Variants in CEACAM1 observed in about 807,000 individuals in gnomAD.
CEACAM1 encodes CEA cell adhesion molecule 1, also known as cell adhesion molecule CEACAM1.
In CEACAM1, 31 loss-of-function variants were observed where a neutral mutation model predicts 49.1. The ratio of observed to expected loss-of-function variants is 0.63; its 90% CI spans 0.47 to 0.85. CEACAM1 has a LOEUF of 0.85. CEACAM1 is among the 40% of genes least tolerant of loss of function. CEACAM1 has a pLI of 0.00. For missense variants in CEACAM1, 570 were observed against 645.3 expected, an observed-to-expected ratio of 0.88 and a Z score of 1.26; for synonymous variants, 244 against 247.8, an observed-to-expected ratio of 0.98 and a Z score of 0.14.
chr19:42,507,585 G>T lies in CEACAM1; in HGVS notation c.*1524C>A, dbSNP rs1466063130. The T allele has an allele frequency of 6.6e-6, 1 of 152,196 alleles. No individual in the cohort carries two copies. Among genetic ancestry groups the T allele is most frequent in the Non-Finnish European group, 1.5e-5 (1 of 68,032 alleles). 9.4% of individuals were successfully genotyped at this position (152,196 alleles called of 1,614,324 possible). ...TTAGCCCCAAAGAGATTCCATCTGT[G>T]TAGAAGACTGGGTGAGAAGTACATT... On this transcript the variant is annotated 3_prime_UTR_variant, in exon 9 of 9. Coordinates refer to ENST00000161559, the MANE Select transcript of CEACAM1 (RefSeq NM_001712.5).
At chr19:42,518,550 T>C (rs1481888356) in intron 5 of CEACAM1, 1 of 200,882 alleles carries the variant, frequency 5.0e-6, no homozygotes, top group Non-Finnish European at 9.9e-6. Context: ...TAGACTGGAG[T>C]GCAGTGGCAC....
chr19:42,527,507 G>GTGTGTGTGTT (rs1491503937), intron 1 of CEACAM1, 107 bp from the exon 2 acceptor site: 19 of 227,242 alleles, frequency 8.4e-5, no homozygotes, highest in Non-Finnish European at 1.1e-4. Flanking sequence ...ACCTTGGAGT[G>GTGTGTGTGTT]TGTGTGTGTG....
At chr19:42,516,812 T>G (rs2041610298) in intron 5 of CEACAM1, 1 of 377,150 alleles carries the variant, frequency 2.7e-6, no homozygotes, top group African/African-American at 2.2e-5. Flanking sequence ...GCGGGTGGAT[T>G]GCTTGAGCTC....
At chr19:42,523,844 A>C (rs1161326428) in intron 2 of CEACAM1, among the ~76,000 whole-genome samples, 1 of 152,228 alleles carries the variant, frequency 6.6e-6, no homozygotes, top group Non-Finnish European at 1.5e-5. Flanking sequence ...TGATCAAAGA[A>C]AGATGCTGAA....
At position 42,527,236 on chromosome 19, in the gene CEACAM1, G is replaced by T. The variant is rs1199767046; in HGVS notation, c.229C>A (p.Arg77Ser). ...WYKGERVDGN[R>S]QIVGYAIGTQ... is the part of the protein sequence containing the mutation. The stretch of plus-strand genomic sequence containing the variant: ...CCTATTGCATATCCTACAATTTGAC[G>T]GTTGCCATCCACTCTTTCCCCTTTG... The change falls in exon 2 of 9, where the codon CGT becomes AGT. Residue 77 changes from arginine to serine, a missense_variant. Arg to Ser is a moderately radical substitution (Grantham distance 110). Transcript: ENST00000161559. The T allele has an allele frequency of 1.9e-6, 3 of 1,613,940 alleles. No individual in the cohort carries two copies. The highest frequency in any genetic ancestry group is 2.5e-6 in the Non-Finnish European group (3 of 1,179,954).
chr19:42,526,208 G>A (rs1429838904), intron 2 of CEACAM1, among the ~76,000 whole-genome samples: 4 of 152,002 alleles, frequency 2.6e-5, no homozygotes, highest in African/African-American at 7.2e-5. Context: ...CATCCACCTC[G>A]GCCTCCCAAA....
At chr19:42,526,320 G>T (rs1025876919) in intron 2 of CEACAM1, among the ~76,000 whole-genome samples, 1 of 152,194 alleles carries the variant, frequency 6.6e-6, no homozygotes, top group Non-Finnish European at 1.5e-5. Flanking sequence ...TGGACAAGGA[G>T]CTTTCAGGAG....
At chr19:42,519,990 A>C (rs2041703162) in intron 4 of CEACAM1, among the ~76,000 whole-genome samples, 1 of 152,170 alleles carries the variant, frequency 6.6e-6, no homozygotes, top group Non-Finnish European at 1.5e-5. Context: ...ATGATGCCCC[A>C]TCCAGTCTTC....
Position 42,520,292 on chromosome 19 carries a change from C to T in CEACAM1, c.958+975G>A, listed in dbSNP as rs537225038. ...GCCCACAGCCTCATACAGCTGGTGACTTCAGAGCCAGGACAAGCTCAGGGA... is the reference window on the plus strand; with the variant it reads ...GCCCACAGCCTCATACAGCTGGTGATTTCAGAGCCAGGACAAGCTCAGGGA... On this transcript the variant is annotated intron_variant, in intron 4 of 8. Transcript: ENST00000161559. Among the ~76,000 whole-genome samples the T allele has an allele frequency of 4.3e-4, 65 of 152,314 alleles. No individual in the cohort carries two copies. The Middle Eastern group carries it at 0.01, about 24-fold the overall frequency.
Position 42,509,033 on chromosome 19 carries a change from G to C in CEACAM1, c.*76C>G. The C allele has an allele frequency of 1.3e-6, 2 of 1,587,604 alleles. No individual in the cohort carries two copies. On this transcript the variant is annotated 3_prime_UTR_variant, in exon 9 of 9. Transcript: ENST00000161559. ...CTGTCCCCACCCCTCTACCCCTACA[G>C]GGGAAAGGAATCTCCTAGTGATGAG... is the stretch of plus-strand genomic sequence containing the variant.
chr19:42,526,997 A>G, intron 2 of CEACAM1, 44 bp downstream of exon 2: 1 of 1,573,018 alleles, frequency 6.4e-7, no homozygotes, highest in Non-Finnish European at 8.6e-7. Context: ...TGTGGGAAGT[A>G]GAACTAACCC....
intron 5 of CEACAM1, among the ~76,000 whole-genome samples, chr19:42,517,556 T>G (rs2041629467): frequency 6.6e-6 from 1 of 152,110 alleles, no homozygotes; most frequent in Non-Finnish European, 1.5e-5. Context: ...AAATGGCAAA[T>G]AAGCACATGA....
Position 42,508,016 on chromosome 19 carries a change from ATTT to A in CEACAM1, c.*1090_*1092del, listed in dbSNP as rs2041372936. On this transcript the variant is annotated 3_prime_UTR_variant, in exon 9 of 9. Transcript: ENST00000161559. Reference sequence around the variant, plus strand: ...TGAAGAAAACCTTTTCTTATTTTCTATTTGGAGCCTCTGACAAAAAAAATCTTG... The same window carrying A: ...TGAAGAAAACCTTTTCTTATTTTCTAGGAGCCTCTGACAAAAAAAATCTTG... 6.6e-6 allele frequency: 1 copy of A among 152,192 alleles called. No individual in the cohort carries two copies. Among genetic ancestry groups the A allele is most frequent in the Non-Finnish European group, 1.5e-5 (1 of 68,020 alleles). The allele number at this position is 152,192 out of a possible 1,614,324, so 9.4% of individuals were successfully genotyped here.
In CEACAM1 at chr19:42,528,402, C is replaced by T; in HGVS notation, c.-28G>A. 2 of 1,612,376 alleles carry T rather than the reference C, an allele frequency of 1.2e-6. No homozygotes were observed. Among genetic ancestry groups the T allele is most frequent in the Non-Finnish European group, 1.7e-6 (2 of 1,178,648 alleles). On this transcript the variant is annotated 5_prime_UTR_variant, in exon 1 of 9. Coordinates refer to ENST00000161559, the MANE Select transcript of CEACAM1 (RefSeq NM_001712.5). ...TGTCTCCTGCTGGCCCTGTCTTCAC[C>T]TGTGGAGGAGAGCTTGGGCTCCAGG... is the stretch of plus-strand genomic sequence containing the variant.
Position 42,519,106 on chromosome 19 carries a change from T to G in CEACAM1, c.1088A>C (p.Asn363Thr), listed in dbSNP as rs773916074. The change falls in exon 5 of 9, where the codon AAC becomes ACC. Residue 363 changes from asparagine to threonine, a missense_variant. Physicochemically the swap from Asn to Thr is moderately conservative, Grantham distance 65. Coordinates refer to ENST00000161559, the MANE Select transcript of CEACAM1 (RefSeq NM_001712.5). ...CCTCTCCGAGGACGGGAGACTCTGG[T>G]TTTTGAAGAACCAACGGATGGAGAT... ...TGISIRWFFK[N>T]QSLPSSERMK... is the part of the protein sequence containing the mutation. The G allele has an allele frequency of 6.8e-6, 11 of 1,614,038 alleles. No individual in the cohort carries two copies. Among genetic ancestry groups the G allele is most frequent in the Admixed American group, 1.7e-5 (1 of 60,006 alleles).
At chr19:42,516,599 T>A (rs1302725252) in intron 5 of CEACAM1, among the ~76,000 whole-genome samples, 1 of 152,138 alleles carries the variant, frequency 6.6e-6, no homozygotes, top group Non-Finnish European at 1.5e-5. Context: ...TTCAGTGCAA[T>A]CTCTATCAAA....
At chr19:42,526,288 T>C (rs574545788) in intron 2 of CEACAM1, among the ~76,000 whole-genome samples, 4 of 152,192 alleles carry the variant, frequency 2.6e-5, no homozygotes, top group African/African-American at 9.6e-5. Context: ...TCCCTGAGAG[T>C]GCCTCTCAGC....
intron 2 of CEACAM1, among the ~76,000 whole-genome samples, chr19:42,522,800 C>T (rs917432049): frequency 6.6e-6 from 1 of 152,092 alleles, no homozygotes; most frequent in African/African-American, 2.4e-5. Context: ...GTGATCTGCC[C>T]GCCTCGGCCT....
In CEACAM1 at chr19:42,527,350, C is replaced by G; in HGVS notation, c.115G>C (p.Glu39Gln). 6.2e-7 allele frequency: 1 copy of G among 1,612,920 alleles called. No homozygotes were observed. Among genetic ancestry groups the G allele is most frequent in the Non-Finnish European group, 8.5e-7 (1 of 1,179,326 alleles). ...NPPTTAQLTT[E>Q]SMPFNVAEGK... ...TCTGCAACATTGAATGGCATGGATTCAGTAGTGAGCTGGGCAGTGGTGGGC... is the reference window on the plus strand; with the variant it reads ...TCTGCAACATTGAATGGCATGGATTGAGTAGTGAGCTGGGCAGTGGTGGGC... Residue 39 changes from glutamate (E) to glutamine (Q), a missense_variant, in exon 2 of 9, where the codon GAA becomes CAA. Coordinates refer to ENST00000161559, the MANE Select transcript of CEACAM1 (RefSeq NM_001712.5).
Sources: allele counts gnomAD v4.1 joint callset (sites outside exome capture counted in the v4.1 genomes callset), GRCh38; gene constraint gnomAD v4.1.1; transcripts MANE v1.5; gene names NCBI Gene and HGNC (gene_info 2026-07-23, HGNC 2026-07-21).